The following USP15 variants were observed in gnomAD, a reference collection of about 807,000 sequenced individuals.
USP15 encodes the protein ubiquitin carboxyl-terminal hydrolase 15.
Under a neutral mutation model 127.1 loss-of-function variants are expected in USP15, and 18 were observed. The ratio of observed to expected loss-of-function variants is 0.14; its 90% CI spans 0.10 to 0.21. USP15 has a LOEUF of 0.21. Ranked by LOEUF, USP15 falls within the 10% of genes least tolerant of loss-of-function variation. The pLI is 1.00. For synonymous variants in USP15, 364 were observed against 393.7 expected, an observed-to-expected ratio of 0.92 and a Z score of 0.89; for missense variants, 805 against 1,159.9, an observed-to-expected ratio of 0.69 and a Z score of 4.44.
intron 8 of USP15, among the ~76,000 whole-genome samples, chr12:62,368,029 A>G (rs2066535207): frequency 6.6e-6 from 1 of 152,188 alleles, no homozygotes; most frequent in Non-Finnish European, 1.5e-5. Flanking sequence ...CATTGGTTTC[A>G]AAGAACATCT....
At chr12:62,278,431 A>G (rs1226640524) in intron 1 of USP15, among the ~76,000 whole-genome samples, 2 of 152,334 alleles carry the variant, frequency 1.3e-5, no homozygotes, top group Admixed American at 6.5e-5. Context: ...TATGCTGTAC[A>G]TAATTATATG....
chr12:62,353,621 A>T (rs1592652204), intron 7 of USP15, among the ~76,000 whole-genome samples: 2 of 152,122 alleles, frequency 1.3e-5, no homozygotes, highest in African/African-American at 4.8e-5. Context: ...TGCTTTTTTT[A>T]AAATAATATA....
intron 4 of USP15, among the ~76,000 whole-genome samples, chr12:62,321,035 A>G (rs1417888370): frequency 6.6e-6 from 1 of 152,104 alleles, no homozygotes; most frequent in East Asian, 1.9e-4. Flanking sequence ...AGTTTAATAT[A>G]AATTATTTTT....
intron 3 of USP15, among the ~76,000 whole-genome samples, chr12:62,312,727 TATA>T (rs1457209046): frequency 4.6e-5 from 7 of 151,652 alleles, no homozygotes; most frequent in African/African-American, 1.7e-4. Context: ...TTTTAATAGT[TATA>T]ATAATTAGGT....
chr12:62,335,631 C>T, intron 6 of USP15: 1 of 990,100 alleles, frequency 1.0e-6, no homozygotes, highest in Non-Finnish European at 1.2e-6. Context: ...GTCATCTTCC[C>T]CCTCAGCCTA....
intron 11 of USP15, among the ~76,000 whole-genome samples, chr12:62,386,855 A>C (rs1021277705): frequency 1.3e-5 from 2 of 152,310 alleles, no homozygotes; most frequent in South Asian, 4.1e-4. Context: ...CCAGGTAAGA[A>C]GCTTTTAATG....
At chr12:62,337,262 G>A (rs1162652289) in intron 6 of USP15, among the ~76,000 whole-genome samples, 2 of 152,064 alleles carry the variant, frequency 1.3e-5, no homozygotes, top group East Asian at 3.9e-4. Flanking sequence ...ACCTCTGCTT[G>A]ATAGCTGTAT....
At chr12:62,295,011 C>T (rs1417572737) in intron 2 of USP15, among the ~76,000 whole-genome samples, 1 of 152,128 alleles carries the variant, frequency 6.6e-6, no homozygotes, top group Admixed American at 6.6e-5. Context: ...AGATGAAACC[C>T]ATGCAGACCC....
At chr12:62,392,190 A>T in intron 17 of USP15, 82 bp from the exon 18 acceptor site, 2 of 919,996 alleles carry the variant, frequency 2.2e-6, no homozygotes, top group Non-Finnish European at 3.4e-6. Flanking sequence ...AGGAGTTTTC[A>T]TTATTATTCA....
At position 62,405,774 on chromosome 12, in the gene USP15, T is replaced by G. The variant is rs1448677245; in HGVS notation, c.*1399T>G. On this transcript the variant is annotated 3_prime_UTR_variant, in exon 22 of 22. Coordinates refer to ENST00000280377, the MANE Select transcript of USP15 (RefSeq NM_001252078.2). ...ACTTGAACTAATCAAATACAATAGA[T>G]TATAAATTGTGTATTGTAAATAAAA... 6.6e-6 allele frequency: 1 copy of G among 152,552 alleles called. No homozygotes were observed. The highest frequency in any genetic ancestry group is 2.4e-5 in the African/African-American group (1 of 41,440). The allele number at this position is 152,552 out of a possible 1,614,324, so 9.4% of individuals were successfully genotyped here. A position where few individuals can be genotyped will look rare whatever the true frequency, so the allele number is the denominator to read the frequency against.
At chr12:62,362,123 G>C (rs1345375136) in intron 8 of USP15, among the ~76,000 whole-genome samples, 1 of 152,020 alleles carries the variant, frequency 6.6e-6, no homozygotes, top group African/African-American at 2.4e-5. Context: ...AGGAAAGTTT[G>C]ATTTCCAGTC....
intron 11 of USP15, among the ~76,000 whole-genome samples, chr12:62,386,702 G>A (rs1162540928): frequency 1.3e-5 from 2 of 152,070 alleles, no homozygotes; most frequent in Non-Finnish European, 2.9e-5. Context: ...TTTGATGCCA[G>A]TATAGGAAGT....
At chr12:62,350,884 C>T (rs2065948965) in intron 7 of USP15, among the ~76,000 whole-genome samples, 1 of 152,128 alleles carries the variant, frequency 6.6e-6, no homozygotes, top group Admixed American at 6.5e-5. Flanking sequence ...CCTCAGCCTC[C>T]CAAGTGCTGA....
chr12:62,348,554 T>C (rs1195799034), intron 6 of USP15, among the ~76,000 whole-genome samples: 1 of 152,216 alleles, frequency 6.6e-6, no homozygotes, highest in Non-Finnish European at 1.5e-5. Flanking sequence ...AAACTTTTAG[T>C]GACCTTTATG....
rs2068118791 is a variant in USP15, at chr12:62,414,888, T to C, written c.*10513T>C. 1.3e-5 allele frequency: 2 copies of C among 150,132 alleles called. No homozygotes were observed. The highest frequency in any genetic ancestry group is 4.9e-5 in the African/African-American group (2 of 40,422). The allele number at this position is 150,132 out of a possible 1,614,324, so 9.3% of individuals were successfully genotyped here. On this transcript the variant is annotated 3_prime_UTR_variant, in exon 22 of 22. Transcript: ENST00000280377. ...TTCTAATTCCTTGTATTAATCAGGA[T>C]TCTCCAGAGAAACAAGACCAATAGG...
At chr12:62,335,951 C>T in intron 6 of USP15, 3 of 985,356 alleles carry the variant, frequency 3.0e-6, no homozygotes, top group Non-Finnish European at 3.6e-6. Context: ...TAGCTCGGTT[C>T]CTCTTTAGGG....
Position 62,409,248 on chromosome 12 carries a change from A to G in USP15, c.*4873A>G, listed in dbSNP as rs2067977610. 1 of 152,174 alleles carries G rather than the reference A, an allele frequency of 6.6e-6. No individual in the cohort carries two copies. Among genetic ancestry groups the G allele is most frequent in the African/African-American group, 2.4e-5 (1 of 41,460 alleles). 9.4% of individuals were successfully genotyped at this position (152,174 alleles called of 1,614,324 possible). ...AGGGTTGTGAAATAGATCTCAGACTATTAAGGACATTCAGAAACTGGCTAA... is the reference window on the plus strand; with the variant it reads ...AGGGTTGTGAAATAGATCTCAGACTGTTAAGGACATTCAGAAACTGGCTAA... On this transcript the variant is annotated 3_prime_UTR_variant, in exon 22 of 22. Coordinates refer to ENST00000280377, the MANE Select transcript of USP15 (RefSeq NM_001252078.2).
rs2137609821 is a variant in USP15, at chr12:62,389,751, AGT to A, written c.1653-45_1653-44del. On this transcript the variant is annotated intron_variant, in intron 13 of 21. Coordinates refer to ENST00000280377, the MANE Select transcript of USP15 (RefSeq NM_001252078.2). The stretch of plus-strand genomic sequence containing the variant: ...TATTACTTGAAAAAAAATTAATAGA[AGT>A]AACATAAAATTTTGAGAGTTTATGG... The A allele has an allele frequency of 2.5e-6, 4 of 1,599,462 alleles. No individual in the cohort carries two copies. The East Asian group carries it at 9.0e-5, about 36-fold the overall frequency.
Position 62,414,569 on chromosome 12 carries a change from T to C in USP15, c.*10194T>C. 6.6e-6 allele frequency: 1 copy of C among 152,340 alleles called. No individual in the cohort carries two copies. The highest frequency in any genetic ancestry group is 1.5e-5 in the Non-Finnish European group (1 of 68,162). 9.4% of individuals were successfully genotyped at this position (152,340 alleles called of 1,614,324 possible). A position where few individuals can be genotyped will look rare whatever the true frequency, so the allele number is the denominator to read the frequency against. ...CCAGGCTGGTTTTGAAGTCTTGAAC[T>C]CAGGCGATCCATCCACCTCGGCCTC... On this transcript the variant is annotated 3_prime_UTR_variant, in exon 22 of 22. Coordinates refer to ENST00000280377, the MANE Select transcript of USP15 (RefSeq NM_001252078.2).
Sources: allele counts gnomAD v4.1 joint callset (sites outside exome capture counted in the v4.1 genomes callset), GRCh38; gene constraint gnomAD v4.1.1; transcripts MANE v1.5; gene names NCBI Gene and HGNC (gene_info 2026-07-23, HGNC 2026-07-21).